Variants in C11orf21 observed in about 807,000 individuals in gnomAD.
C11orf21 encodes uncharacterized protein C11orf21.
C11orf21 carries 19 observed loss-of-function variants against 15.2 expected under a neutral mutation model. That is an observed-to-expected ratio of 1.25 (90% CI 0.87 to 1.84). The LOEUF is 1.84. Among genes scored for constraint, C11orf21 ranks in the 40% most tolerant of loss-of-function variants. The pLI, the probability that C11orf21 is intolerant of heterozygous loss-of-function variation, is 0.00. For missense variants in C11orf21, 171 were observed against 174.4 expected (o/e 0.98, Z 0.11); for synonymous variants, 62 against 66.8 (o/e 0.93, Z 0.35).
chr11:2,295,958 G>A lies in C11orf21; in HGVS notation c.*1992C>T, dbSNP rs1033772608. 4 of 152,142 alleles carry A rather than the reference G, an allele frequency of 2.6e-5. No homozygotes were observed. The highest frequency in any genetic ancestry group is 7.2e-5 in the African/African-American group (3 of 41,416). The allele number at this position is 152,142 out of a possible 1,614,324, so 9.4% of individuals were successfully genotyped here. A position where few individuals can be genotyped will look rare whatever the true frequency, so the allele number is the denominator to read the frequency against. On this transcript the variant is annotated 3_prime_UTR_variant, in exon 4 of 4. Transcript: ENST00000381153. This position sits in a 1 kb window ranked among gnomAD's most constrained non-coding sequence, Gnocchi z 5.4. ...ATCAATGGCTGTAGACCAGGTGTCC[G>A]GGGATGCTTTGATTTGCCCCAGTGA...
chr11:2,302,147 G>A (rs532243385), upstream of C11orf21: 19 of 1,458,592 alleles, frequency 1.3e-5, no homozygotes, highest in Middle Eastern at 5.6e-4. Flanking sequence ...GAGAGGAACC[G>A]TCATGGGGCC....
At position 2,300,588 on chromosome 11, in the gene C11orf21, A is replaced by G. The variant is rs1847692528; in HGVS notation, c.79T>C (p.Ser27Pro). 6.5e-7 allele frequency: 1 copy of G among 1,550,062 alleles called. No individual in the cohort carries two copies. Among genetic ancestry groups the G allele is most frequent in the Non-Finnish European group, 8.7e-7 (1 of 1,146,732 alleles). ...GGGGGTTCGACGCCACTTTGAGATG[A>G]CAAGTGAGGCCACCTGGGCACAGCG... is the stretch of plus-strand genomic sequence containing the variant. ...RSAVPRWPHLSSQSGVEPPDR... is the reference protein window; with the variant it reads ...RSAVPRWPHLPSQSGVEPPDR... Residue 27 changes from serine (S) to proline (P), a missense_variant, in exon 2 of 4, where the codon TCA (serine) becomes CCA (proline). Coordinates refer to ENST00000381153, the MANE Select transcript of C11orf21 (RefSeq NM_001329958.2).
rs1399468004 is a variant in C11orf21, at chr11:2,300,467, AC to A, written c.147+52del. 3 of 1,221,192 alleles carry A rather than the reference AC, an allele frequency of 2.5e-6. No individual in the cohort carries two copies. In the East Asian group the frequency reaches 7.7e-5, roughly 31 times the overall value. 75.6% of individuals were successfully genotyped at this position (1,221,192 alleles called of 1,614,324 possible). A position where few individuals can be genotyped will look rare whatever the true frequency, so the allele number is the denominator to read the frequency against. On this transcript the variant is annotated intron_variant, in intron 2 of 3. Coordinates refer to ENST00000381153, the MANE Select transcript of C11orf21 (RefSeq NM_001329958.2). Reference sequence around the variant, plus strand: ...GCTCAGCAAAGGGCGTGGGGGTTCCACCGGCTCCCTGCCCCCGCTGGTGGGG... The same window carrying A: ...GCTCAGCAAAGGGCGTGGGGGTTCCACGGCTCCCTGCCCCCGCTGGTGGGG...
rs751513973 is a variant in C11orf21, at chr11:2,301,838, T to A, written c.-30A>T. 37 of 1,550,626 alleles carry A rather than the reference T, an allele frequency of 2.4e-5. No homozygotes were observed. Among genetic ancestry groups the A allele is most frequent in the Non-Finnish European group, 2.9e-5 (33 of 1,146,958 alleles). On this transcript the variant is annotated 5_prime_UTR_variant, in exon 1 of 4. Coordinates refer to ENST00000381153, the MANE Select transcript of C11orf21 (RefSeq NM_001329958.2). ...TTCCCCCTCTCAGCGCCGTCCTCAG[T>A]GGCCACACCAAGAACGAGGCCATGT...
chr11:2,302,198 A>C, upstream of C11orf21: 3 of 1,387,354 alleles, frequency 2.2e-6, no homozygotes, highest in Non-Finnish European at 2.8e-6. Context: ...GATGCTGGTC[A>C]CCTGCTTCTT....
At chr11:2,298,960 T>C (rs1056307258) in intron 3 of C11orf21, among the ~76,000 whole-genome samples, 1 of 152,088 alleles carries the variant, frequency 6.6e-6, no homozygotes, top group Non-Finnish European at 1.5e-5. Context: ...CCCACGGCAC[T>C]GAGAGGGAAG....
intron 3 of C11orf21, among the ~76,000 whole-genome samples, chr11:2,298,893 G>A (rs530798241): frequency 1.3e-5 from 2 of 151,984 alleles, no homozygotes; most frequent in South Asian, 4.1e-4. Context: ...AGGCTCCTTG[G>A]GGGGGGAAGC....
At chr11:2,299,756 G>A (rs1299167173) in intron 2 of C11orf21, 49 bp from the exon 3 acceptor site, 6 of 1,544,540 alleles carry the variant, frequency 3.9e-6, no homozygotes, top group Non-Finnish European at 5.3e-6. Context: ...TGGGACCCAG[G>A]AATTCACAGG....
chr11:2,297,881 T>A lies in C11orf21; in HGVS notation c.*69A>T, dbSNP rs1399540132. 1 of 152,238 alleles carries A rather than the reference T, an allele frequency of 6.6e-6. No individual in the cohort carries two copies. The allele number at this position is 152,238 out of a possible 1,614,324, so 9.4% of individuals were successfully genotyped here. A position where few individuals can be genotyped will look rare whatever the true frequency, so the allele number is the denominator to read the frequency against. On this transcript the variant is annotated 3_prime_UTR_variant, in exon 4 of 4. Coordinates refer to ENST00000381153, the MANE Select transcript of C11orf21 (RefSeq NM_001329958.2). ...CTTGGTGAGGGCTCTCTTCCTGGCT[T>A]ACAGATGGCTGCCTTCTCTCTGTGT... is the stretch of plus-strand genomic sequence containing the variant.
intron 2 of C11orf21, 41 bp downstream of exon 2, chr11:2,300,478 GC>G (rs1192525662): frequency 6.8e-6 from 9 of 1,332,388 alleles, no homozygotes; most frequent in Non-Finnish European, 8.3e-6. Context: ...CCGGCTCCCT[GC>G]CCCCGCTGGT....
rs1311050677 is a variant in C11orf21, at chr11:2,299,511, G to A, written c.344C>T (p.Pro115Leu). Residue 115 changes from proline to leucine, a missense_variant, in exon 3 of 4, where the codon CCC (proline) becomes CTC (leucine). Physicochemically the swap from Pro to Leu is moderately conservative, Grantham distance 98. Transcript: ENST00000381153. ...CCGAGGACACAGCTTTCCAGAGGAGGGGCCTGCTTCTAAGTCCAAGTCCCA... is the reference window on the plus strand; with the variant it reads ...CCGAGGACACAGCTTTCCAGAGGAGAGGCCTGCTTCTAAGTCCAAGTCCCA... ...LGWDLDLEAG[P>L]SSGKLCPRAR... The A allele has an allele frequency of 1.3e-6, 2 of 1,550,546 alleles. No homozygotes were observed. The highest frequency in any genetic ancestry group is 1.2e-5 in the South Asian group (1 of 84,064).
At chr11:2,301,729 T>C (rs1847758246) in intron 1 of C11orf21, 27 bp downstream of exon 1, 3 of 1,536,310 alleles carry the variant, frequency 2.0e-6, no homozygotes, top group Non-Finnish European at 2.6e-6. Flanking sequence ...AGTCCACACT[T>C]GCTCACTCCC....
chr11:2,302,268 A>C, upstream of C11orf21: 25 of 1,056,064 alleles, frequency 2.4e-5, no homozygotes, highest in Non-Finnish European at 3.0e-5. Context: ...AGCAGGGGTG[A>C]GGGGTGGCAG....
chr11:2,298,513 A>T (rs1756306587), intron 3 of C11orf21, among the ~76,000 whole-genome samples: 1 of 152,042 alleles, frequency 6.6e-6, no homozygotes, highest in South Asian at 2.1e-4. Flanking sequence ...GGAGGGTCCG[A>T]TGTGCATTTT....
rs764613658 is a variant in C11orf21 at position 2,300,712 on chromosome 11, G to C, written c.54-99C>G. ...ATGAAGAGGTGTCCCAGAAGCGGGT[G>C]GTGCTCCAGGCCCGCCTCACCAGCT... On this transcript the variant is annotated intron_variant, in intron 1 of 3. Coordinates refer to ENST00000381153, the MANE Select transcript of C11orf21 (RefSeq NM_001329958.2). The C allele has an allele frequency of 2.0e-5, 31 of 1,550,780 alleles. No individual in the cohort carries two copies. The South Asian group carries it at 3.6e-4, about 18-fold the overall frequency.
chr11:2,299,013 G>A (rs1306556526), intron 3 of C11orf21, among the ~76,000 whole-genome samples: 1 of 152,190 alleles, frequency 6.6e-6, no homozygotes, highest in Non-Finnish European at 1.5e-5. Context: ...GTTGGGAGCA[G>A]AGCAGTGCCC....
At chr11:2,299,043 G>GAGTATGGTC (rs1847604573) in intron 3 of C11orf21, among the ~76,000 whole-genome samples, 1 of 152,184 alleles carries the variant, frequency 6.6e-6, no homozygotes, top group Non-Finnish European at 1.5e-5. Context: ...AACCCAGTTT[G>GAGTATGGTC]AGTATGGTCT....
chr11:2,301,771 C>T lies in C11orf21; in HGVS notation c.38G>A (p.Arg13His), dbSNP rs765432789. 2.6e-5 allele frequency: 40 copies of T among 1,549,508 alleles called. No homozygotes were observed. The highest frequency in any genetic ancestry group is 4.9e-5 in the East Asian group (2 of 40,908). The change falls in exon 1 of 4, where the codon CGC becomes CAC. Residue 13 changes from arginine to histidine, a missense_variant. Coordinates refer to ENST00000381153, the MANE Select transcript of C11orf21 (RefSeq NM_001329958.2). The part of the protein sequence containing the change: ...RTWCGMWRRR[R>H]PGRRSAVPRW... The stretch of plus-strand genomic sequence containing the variant: ...GGGAGCTCACCTCCTCCTCCCCGGG[C>T]GCCGTCTCCTCCACATCCCACACCA...
chr11:2,299,372 C>T lies in C11orf21; in HGVS notation c.*28+56G>A, dbSNP rs541475163. 105 of 1,495,682 alleles carry T rather than the reference C, an allele frequency of 7.0e-5. No individual in the cohort carries two copies. The African/African-American group carries it at 8.2e-4, about 12-fold the overall frequency. The allele number at this position is 1,495,682 out of a possible 1,614,324, so 92.7% of individuals were successfully genotyped here. A position where few individuals can be genotyped will look rare whatever the true frequency, so the allele number is the denominator to read the frequency against. On this transcript the variant is annotated intron_variant, in intron 3 of 3. Transcript: ENST00000381153. ...AGTGCCTCCCCGGTGGGAGGGGCCGCGCTCACAGACAGCACAGGGGCCCCC... is the reference window on the plus strand; with the variant it reads ...AGTGCCTCCCCGGTGGGAGGGGCCGTGCTCACAGACAGCACAGGGGCCCCC...
Sources: gnomAD v4.1 joint callset for allele counts (sites outside exome capture counted in the v4.1 genomes callset) on GRCh38, gnomAD v4.1.1 for gene constraint, Gnocchi (gnomAD v3.1) non-coding constraint, MANE v1.5 for transcripts, NCBI Gene and HGNC (gene_info 2026-07-23, HGNC 2026-07-21) for gene names.